The following KCNAB2 variants were observed in gnomAD, a reference collection of about 807,000 sequenced individuals.
The protein encoded by KCNAB2 is voltage-gated potassium channel subunit beta-2.
A neutral mutation model predicts 63.6 loss-of-function variants in KCNAB2; 29 were observed. The ratio of observed to expected loss-of-function variants is 0.46; its 90% confidence interval spans 0.34 to 0.62. The LOEUF is 0.62. Among genes scored for constraint, KCNAB2 ranks in the 20% least tolerant of loss-of-function variants. The pLI, the probability that KCNAB2 is intolerant of heterozygous loss-of-function variation, is 0.01. For synonymous variants in KCNAB2, 222 were observed against 224.2 expected, an observed-to-expected ratio of 0.99 and a Z score of 0.09; for missense variants, 359 against 563.9, an observed-to-expected ratio of 0.64 and a Z score of 3.68.
intron 1 of KCNAB2, among the ~76,000 whole-genome samples, chr1:6,017,738 C>T (rs1435393077): frequency 6.6e-6 from 1 of 151,860 alleles, no homozygotes; most frequent in African/African-American, 2.4e-5. Flanking sequence ...TTGCAGTGAG[C>T]CAAGATAGCG....
Position 6,096,245 on chromosome 1 carries a change from G to A in KCNAB2, c.949-391G>A. 1 of 432,138 alleles carries A rather than the reference G, an allele frequency of 2.3e-6. No homozygotes were observed. Among genetic ancestry groups the A allele is most frequent in the Non-Finnish European group, 4.6e-6 (1 of 217,006 alleles). 26.8% of individuals were successfully genotyped at this position (432,138 alleles called of 1,614,324 possible). ...CAGGAGGCCCTGCAATCCTCTGGGG[G>A]GGATGGCCAGGGGAGAGAGCACTCC... is the stretch of plus-strand genomic sequence containing the variant. On this transcript the variant is annotated intron_variant, in intron 13 of 15. Coordinates refer to ENST00000378083, the MANE Select transcript of KCNAB2 (RefSeq NM_001199862.2). The surrounding 1 kb of genome is among the most constrained non-coding windows in gnomAD (Gnocchi z 5.9).
chr1:5,993,518 G>C (rs995791873), intron 1 of KCNAB2, among the ~76,000 whole-genome samples: 17 of 152,156 alleles, frequency 1.1e-4, no homozygotes, highest in Non-Finnish European at 2.4e-4. Flanking sequence ...CTCCCTACCT[G>C]CTGCTGCTCC....
Position 6,061,560 on chromosome 1 carries a change from C to T in KCNAB2, c.218+9806C>T, listed in dbSNP as rs1255870072. 4.6e-5 allele frequency among the ~76,000 whole-genome samples: 7 copies of T among 152,312 alleles called. No homozygotes were observed. The South Asian group carries it at 8.3e-4, about 18-fold the overall frequency. On this transcript the variant is annotated intron_variant, in intron 2 of 15. Coordinates refer to ENST00000378083, the MANE Select transcript of KCNAB2 (RefSeq NM_001199862.2). ...CAATTCTCTGTCATGGGGCAGCATCCGTGGCCTCTGCCTACTGCCAGTAGC... is the reference window on the plus strand; with the variant it reads ...CAATTCTCTGTCATGGGGCAGCATCTGTGGCCTCTGCCTACTGCCAGTAGC...
In KCNAB2 at chr1:6,045,959, A is replaced by C; in HGVS notation, c.-251A>C. On this transcript the variant is annotated 5_prime_UTR_variant, in exon 1 of 16. Coordinates refer to ENST00000378083, the MANE Select transcript of KCNAB2 (RefSeq NM_001199862.2). This position sits in a 1 kb window ranked among gnomAD's most constrained non-coding sequence, Gnocchi z 4.8. ...TTAGGGGAAGAGGCACTCGTGAATA[A>C]TTCAGCCTCTTTCACTGAGATGAAA... is the stretch of plus-strand genomic sequence containing the variant. 8 of 985,410 alleles carry C rather than the reference A, an allele frequency of 8.1e-6. No homozygotes were observed. The highest frequency in any genetic ancestry group is 9.6e-6 in the Non-Finnish European group (8 of 829,926). The allele number at this position is 985,410 out of a possible 1,614,324, so 61.0% of individuals were successfully genotyped here.
upstream of KCNAB2, chr1:6,041,633 G>A (rs1252285887): frequency 1.2e-5 from 7 of 580,714 alleles, no homozygotes; most frequent in South Asian, 4.1e-5. Flanking sequence ...CGTGGCCACC[G>A]GGTGGCGCTG....
chr1:6,056,384 G>C (rs2100563239), intron 2 of KCNAB2, among the ~76,000 whole-genome samples: 1 of 152,330 alleles, frequency 6.6e-6, no homozygotes, highest in African/African-American at 2.4e-5. Flanking sequence ...AATTATTGCT[G>C]TTAAAAAGAA....
rs548092019 is a variant in KCNAB2, at chr1:6,048,834, C to T, written c.-27+2651C>T. On this transcript the variant is annotated intron_variant, in intron 1 of 15. Transcript: ENST00000378083. ...ACCTCAGAAGCAGCTGCCTGCCACG[C>T]GCATGGAGGGAAGGGAGTGGCCGGC... is the stretch of plus-strand genomic sequence containing the variant. Among the ~76,000 whole-genome samples the T allele has an allele frequency of 2.0e-5, 3 of 152,294 alleles. No individual in the cohort carries two copies. In the South Asian group the frequency reaches 6.2e-4, roughly 32 times the overall value.
At chr1:6,041,979 C>T (rs1660536693), upstream of KCNAB2, 1 of 1,014,268 alleles carries the variant, frequency 9.9e-7, no homozygotes, top group East Asian at 2.4e-5. Flanking sequence ...TCTCTGAAGC[C>T]AAAGCCCCCG....
rs950306902 is a variant in KCNAB2 at position 6,035,144 on chromosome 1, G to A, written c.-53+350G>A. On this transcript the variant is annotated intron_variant, in intron 1 of 15. Transcript: ENST00000164247. The surrounding 1 kb of genome is among the most constrained non-coding windows in gnomAD (Gnocchi z 5.0). ...GGTGGTCAGAAGTTGAATTCGGGCC[G>A]GAGGAGGAGGAGTGCATGAAGCCCT... Among the ~76,000 whole-genome samples, 5 of 152,136 alleles carry A rather than the reference G, an allele frequency of 3.3e-5. No homozygotes were observed. The highest frequency in any genetic ancestry group is 7.2e-5 in the African/African-American group (3 of 41,420).
In KCNAB2 at chr1:6,078,445, G is replaced by A. The variant is rs563118614; in HGVS notation, c.301-3750G>A. On this transcript the variant is annotated intron_variant, in intron 4 of 15. Transcript: ENST00000378083. The surrounding 1 kb of genome is among the most constrained non-coding windows in gnomAD (Gnocchi z 4.2). ...AAGAAAGTAGAAAAAGGAGGGCAGGGGGGCGGGGGTCCTGACGACAGGGTG... is the reference window on the plus strand; with the variant it reads ...AAGAAAGTAGAAAAAGGAGGGCAGGAGGGCGGGGGTCCTGACGACAGGGTG... Among the ~76,000 whole-genome samples the A allele has an allele frequency of 1.2e-3, 185 of 152,300 alleles. No homozygotes were observed. Among genetic ancestry groups the A allele is most frequent in the Admixed American group, 5.2e-3 (79 of 15,296 alleles).
At chr1:6,093,546 G>A (rs952249251) in intron 10 of KCNAB2, among the ~76,000 whole-genome samples, 7 of 152,242 alleles carry the variant, frequency 4.6e-5, no homozygotes, top group African/African-American at 1.7e-4. Flanking sequence ...CCAGCGTGAA[G>A]TCTCCGCGAT....
chr1:6,052,540 G>A (rs1389945855), intron 2 of KCNAB2, among the ~76,000 whole-genome samples: 2 of 152,102 alleles, frequency 1.3e-5, no homozygotes, highest in African/African-American at 2.4e-5. Flanking sequence ...CTTAATGATA[G>A]GCACGTAGGT....
chr1:6,007,671 A>G (rs950439282), intron 1 of KCNAB2: 1 of 152,342 alleles, frequency 6.6e-6, no homozygotes, highest in Non-Finnish European at 1.5e-5. Context: ...GAGGAGACTC[A>G]GCATTTCCTT....
chr1:6,082,562 T>C (rs754570043), intron 5 of KCNAB2, among the ~76,000 whole-genome samples: 6 of 152,130 alleles, frequency 3.9e-5, no homozygotes, highest in Non-Finnish European at 7.4e-5. Flanking sequence ...ATGGAGCTGC[T>C]GTCCTGGGCT....
chr1:6,004,987 C>G (rs572253244), intron 1 of KCNAB2, among the ~76,000 whole-genome samples: 16 of 73,580 alleles, frequency 2.2e-4, no homozygotes, highest in African/African-American at 7.2e-4. Context: ...AGGGTGCAGG[C>G]AGAGATCTGG....
At chr1:6,091,237 T>C (rs1665163308) in intron 9 of KCNAB2, 26 bp from the exon 10 acceptor site, 4 of 1,514,724 alleles carry the variant, frequency 2.6e-6, no homozygotes, top group Non-Finnish European at 3.5e-6. Context: ...AACTCTGGTC[T>C]CTTTAAATCT....
intron 1 of KCNAB2, 23 bp downstream of exon 1, chr1:6,046,206 A>G (rs1455827459): frequency 5.1e-6 from 5 of 985,160 alleles, no homozygotes; most frequent in Non-Finnish European, 6.0e-6. Context: ...TTCAGCCGCT[A>G]CCTTCCTAGT....
At position 6,072,739 on chromosome 1, in the gene KCNAB2, G is replaced by A. The variant is rs2100657582; in HGVS notation, c.219-16G>A. ...CTGCCTGGGTGCTGAGAACTCACGTGGCGTTTGTTTTTCAGGAACCTGGGC... is the reference window on the plus strand; with the variant it reads ...CTGCCTGGGTGCTGAGAACTCACGTAGCGTTTGTTTTTCAGGAACCTGGGC... On this transcript the variant is annotated splice_polypyrimidine_tract_variant and intron_variant, in intron 2 of 15. Coordinates refer to ENST00000378083, the MANE Select transcript of KCNAB2 (RefSeq NM_001199862.2). 2 of 1,613,774 alleles carry A rather than the reference G, an allele frequency of 1.2e-6. No individual in the cohort carries two copies. Among genetic ancestry groups the A allele is most frequent in the East Asian group, 4.5e-5 (2 of 44,862 alleles).
At chr1:6,004,502 C>A (rs996661265) in intron 1 of KCNAB2, among the ~76,000 whole-genome samples, 18 of 152,008 alleles carry the variant, frequency 1.2e-4, no homozygotes, top group Non-Finnish European at 2.4e-4. Flanking sequence ...CCTCTGGAGA[C>A]CGAGGTAGCA....
Sources: gnomAD v4.1 joint callset for allele counts (sites outside exome capture counted in the v4.1 genomes callset) on GRCh38, gnomAD v4.1.1 for gene constraint, Gnocchi (gnomAD v3.1) non-coding constraint, MANE v1.5 for transcripts, NCBI Gene and HGNC (gene_info 2026-07-23, HGNC 2026-07-21) for gene names.